The following NOS2 variants were observed in gnomAD, a reference collection of about 807,000 sequenced individuals.
The protein encoded by NOS2 is nitric oxide synthase 2.
NOS2 carries 96 observed loss-of-function variants against 136.0 expected under a neutral mutation model. The ratio of observed to expected loss-of-function variants is 0.71; its 90% CI spans 0.60 to 0.84. The LOEUF (loss-of-function observed/expected upper bound fraction) is 0.84, where lower values mean the gene tolerates loss of function less well. NOS2 is among the 40% of genes least tolerant of loss of function. The pLI, the probability that NOS2 is intolerant of heterozygous loss-of-function variation, is 0.00. For missense variants in NOS2, 1,237 were observed against 1,496.9 expected, an observed-to-expected ratio of 0.83 and a Z score of 2.87; for synonymous variants, 539 against 587.5, an observed-to-expected ratio of 0.92 and a Z score of 1.20.
chr17:27,764,737 G>T lies in NOS2; in HGVS notation c.2429-593C>A, dbSNP rs114173908. 1.5e-3 allele frequency among the ~76,000 whole-genome samples: 224 copies of T among 152,360 alleles called. 1 individual carries two copies. The highest frequency in any genetic ancestry group is 5.3e-3 in the African/African-American group (220 of 41,592). The stretch of plus-strand genomic sequence containing the variant: ...CTGATAGCACAACCTATCTTGCTGG[G>T]TTGGCATGAGCACTGAATGAAATTG... On this transcript the variant is annotated intron_variant, in intron 20 of 26. Transcript: ENST00000313735.
intron 2 of NOS2, among the ~76,000 whole-genome samples, chr17:27,791,242 C>A (rs1232358451): frequency 6.6e-6 from 1 of 152,214 alleles, no homozygotes; most frequent in Admixed American, 6.5e-5. Flanking sequence ...ATGTGACCAA[C>A]CATTGCCAAC....
intron 9 of NOS2, among the ~76,000 whole-genome samples, chr17:27,780,229 T>A (rs28999375): frequency 1.3e-5 from 2 of 152,168 alleles, no homozygotes; most frequent in African/African-American, 4.8e-5. Context: ...GTACAAAGGC[T>A]GTGAGTCAGG....
rs554564649 is a variant in NOS2, at chr17:27,783,339, A to G, written c.468-233T>C. Among the ~76,000 whole-genome samples the G allele has an allele frequency of 5.9e-5, 9 of 152,302 alleles. No homozygotes were observed. The South Asian group carries it at 1.5e-3, about 25-fold the overall frequency. On this transcript the variant is annotated intron_variant, in intron 5 of 26. Transcript: ENST00000313735. ...AATTCTTAATCATTTTAAAATAAAG[A>G]GCCCACATTTTCATTTTTACATTGA...
intron 23 of NOS2, 104 bp downstream of exon 23, chr17:27,761,040 C>G: frequency 2.7e-6 from 3 of 1,129,172 alleles, no homozygotes; most frequent in Non-Finnish European, 3.7e-6. Context: ...TCTTTATGGG[C>G]CAAGGGGCTC....
At chr17:27,782,885 C>T in intron 6 of NOS2, 59 bp downstream of exon 6, 1 of 1,556,556 alleles carries the variant, frequency 6.4e-7, no homozygotes, top group African/African-American at 1.4e-5. Flanking sequence ...TGTTCCAAGC[C>T]ATCTGCTCAG....
intron 2 of NOS2, among the ~76,000 whole-genome samples, chr17:27,794,072 T>A (rs985644536): frequency 1.1e-4 from 17 of 152,308 alleles, no homozygotes; most frequent in Middle Eastern, 6.8e-3. Context: ...TTCCTTTCTG[T>A]CATTTCGTCC....
chr17:27,782,500 G>A (rs1016575571), intron 6 of NOS2, among the ~76,000 whole-genome samples: 3 of 152,092 alleles, frequency 2.0e-5, no homozygotes, highest in Non-Finnish European at 2.9e-5. Flanking sequence ...AGTTCTAATC[G>A]ATTTCTCTGT....
intron 4 of NOS2, among the ~76,000 whole-genome samples, chr17:27,788,196 G>GCACACACACACACACA (rs59431357): frequency 1.0e-3 from 156 of 149,750 alleles, no homozygotes; most frequent in African/African-American, 3.4e-3. Flanking sequence ...GCACACGCGT[G>GCACACACACACACACA]CACACACACA....
intron 11 of NOS2, 76 bp from the exon 12 acceptor site, chr17:27,774,527 C>T (rs535132775): frequency 1.8e-5 from 21 of 1,166,360 alleles, no homozygotes; most frequent in South Asian, 6.2e-5. Context: ...CCGCAGGGCT[C>T]CCAGAGAGTG....
At chr17:27,796,471 A>T (rs950487780) in intron 2 of NOS2, among the ~76,000 whole-genome samples, 33 of 152,198 alleles carry the variant, frequency 2.2e-4, no homozygotes, top group African/African-American at 6.3e-4. Flanking sequence ...ATAATAATAA[A>T]AAATAAAAAT....
chr17:27,793,112 G>A (rs998128461), intron 2 of NOS2, among the ~76,000 whole-genome samples: 1 of 151,436 alleles, frequency 6.6e-6, no homozygotes, highest in African/African-American at 2.4e-5. Flanking sequence ...GGCTGACCTG[G>A]GGGCCAGATT....
intron 5 of NOS2, among the ~76,000 whole-genome samples, chr17:27,783,837 A>G (rs1181879522): frequency 1.3e-5 from 2 of 152,194 alleles, no homozygotes; most frequent in Non-Finnish European, 2.9e-5. Context: ...GTGACCTTCC[A>G]TCTTCCACCC....
chr17:27,789,651 T>C lies in NOS2; in HGVS notation c.148A>G (p.Ser50Gly), dbSNP rs763636942. The C allele has an allele frequency of 1.9e-6, 3 of 1,613,800 alleles. No homozygotes were observed. The highest frequency in any genetic ancestry group is 2.5e-6 in the Non-Finnish European group (3 of 1,179,676). The part of the protein sequence containing the change: ...TQDDLQYHNL[S>G]KQQNESPQPL... Reference sequence around the variant, plus strand: ...TGCGGGGACTCATTCTGCTGCTTGCTGAGGTTGTGATACTGAAGGTCATCC... The same window carrying C: ...TGCGGGGACTCATTCTGCTGCTTGCCGAGGTTGTGATACTGAAGGTCATCC... The change falls in exon 3 of 27, where the codon AGC becomes GGC. Residue 50 changes from serine (S) to glycine (G), a missense_variant. By Grantham distance (56) the Ser-to-Gly change is moderately conservative (BLOSUM62 0). Around this residue, in one of 3 missense-constraint regions of NOS2, gnomAD observed 440 missense variants for 545.4 expected, o/e 0.81. Transcript: ENST00000313735.
chr17:27,781,310 C>A, intron 7 of NOS2, 133 bp from the exon 8 acceptor site: 2 of 1,002,526 alleles, frequency 2.0e-6, no homozygotes, highest in Non-Finnish European at 2.9e-6. Context: ...AGCCAGCCTC[C>A]TGACATGCCT....
At chr17:27,788,666 G>T in intron 4 of NOS2, 143 bp downstream of exon 4, 1 of 938,508 alleles carries the variant, frequency 1.1e-6, no homozygotes. Flanking sequence ...TGTAATCTGT[G>T]AGGAATGTCT....
chr17:27,783,846 C>G (rs1250110867), intron 5 of NOS2, among the ~76,000 whole-genome samples: 1 of 152,182 alleles, frequency 6.6e-6, no homozygotes, highest in Non-Finnish European at 1.5e-5. Context: ...CATCTTCCAC[C>G]CTACGGGGAC....
chr17:27,760,434 G>T (rs531760197), intron 24 of NOS2, among the ~76,000 whole-genome samples, 189 bp downstream of exon 24: 1 of 152,236 alleles, frequency 6.6e-6, no homozygotes, highest in East Asian at 1.9e-4. Context: ...TCCCAGGAGA[G>T]GGAGCCCTGG....
intron 9 of NOS2, 133 bp downstream of exon 9, chr17:27,780,634 G>A: frequency 1.7e-6 from 2 of 1,144,964 alleles, no homozygotes; most frequent in South Asian, 1.4e-5. Flanking sequence ...GTCCTTGAAG[G>A]CCAGCCCCCT....
At chr17:27,786,241 T>G (rs1371126617) in intron 5 of NOS2, among the ~76,000 whole-genome samples, 1 of 150,552 alleles carries the variant, frequency 6.6e-6, no homozygotes, top group Non-Finnish European at 1.5e-5. Context: ...GCCAACATGA[T>G]GAAACCCCAT....
Sources: gnomAD v4.1 joint callset for allele counts (sites outside exome capture counted in the v4.1 genomes callset) on GRCh38, gnomAD v4.1.1 for gene constraint, gnomAD v4.1.1 regional missense constraint, MANE v1.5 for transcripts, NCBI Gene and HGNC (gene_info 2026-07-23, HGNC 2026-07-21) for gene names.